CHST11: variants seen among roughly 807,000 people sequenced by gnomAD.
The protein encoded by CHST11 is carbohydrate sulfotransferase 11.
CHST11 carries 9 observed loss-of-function variants against 30.4 expected under a neutral mutation model. That is an observed-to-expected ratio of 0.30 (90% CI 0.18 to 0.52). CHST11 has a LOEUF of 0.52. CHST11 is among the 20% of genes least tolerant of loss of function. The pLI is 0.97. For missense variants in CHST11, 348 were observed against 460.6 expected, an observed-to-expected ratio of 0.76 and a Z score of 2.24; for synonymous variants, 152 against 187.8, an observed-to-expected ratio of 0.81 and a Z score of 1.56.
chr12:104,715,850 C>T (rs998775510), intron 2 of CHST11, among the ~76,000 whole-genome samples: 4 of 152,154 alleles, frequency 2.6e-5, no homozygotes, highest in Non-Finnish European at 4.4e-5. Flanking sequence ...TAAATGAGCT[C>T]GTGTGTGTCG....
At chr12:104,664,219 G>C (rs749025632) in intron 2 of CHST11, among the ~76,000 whole-genome samples, 11 of 152,192 alleles carry the variant, frequency 7.2e-5, no homozygotes, top group Non-Finnish European at 1.5e-4. Flanking sequence ...GAATTTTAGA[G>C]CTGAGGGTGA....
At chr12:104,727,142 T>G (rs1566055850) in intron 2 of CHST11, among the ~76,000 whole-genome samples, 1 of 152,114 alleles carries the variant, frequency 6.6e-6, no homozygotes, top group Non-Finnish European at 1.5e-5. Flanking sequence ...AATGGCAAAT[T>G]ACATTATTAG....
At chr12:104,726,900 G>A (rs1212669309) in intron 2 of CHST11, among the ~76,000 whole-genome samples, 1 of 152,176 alleles carries the variant, frequency 6.6e-6, no homozygotes, top group Non-Finnish European at 1.5e-5. Context: ...AAGGTAGGAT[G>A]TAGGGCAGAT....
At chr12:104,467,654 G>A (rs1322942835) in intron 1 of CHST11, among the ~76,000 whole-genome samples, 16 of 152,178 alleles carry the variant, frequency 1.1e-4, no homozygotes, top group African/African-American at 3.9e-4. Context: ...ATCATTCTCT[G>A]GCTTGAATCG....
chr12:104,703,371 T>G (rs1025770251), intron 2 of CHST11, among the ~76,000 whole-genome samples: 3 of 152,234 alleles, frequency 2.0e-5, no homozygotes, highest in Non-Finnish European at 4.4e-5. Flanking sequence ...AAATGCAACC[T>G]GGTCTTTTCA....
chr12:104,481,522 C>T (rs1199696186), intron 1 of CHST11, among the ~76,000 whole-genome samples: 2 of 152,186 alleles, frequency 1.3e-5, no homozygotes, highest in Non-Finnish European at 2.9e-5. Flanking sequence ...AACCTGGGTG[C>T]AGTCACCTGA....
intron 2 of CHST11, among the ~76,000 whole-genome samples, chr12:104,622,060 G>C (rs1053707124): frequency 2.6e-5 from 4 of 152,198 alleles, no homozygotes; most frequent in Admixed American, 2.6e-4. Flanking sequence ...GGCAACCCCG[G>C]TGACCCCCAC....
chr12:104,704,783 C>T (rs565154973), intron 2 of CHST11, among the ~76,000 whole-genome samples: 30 of 152,062 alleles, frequency 2.0e-4, no homozygotes, highest in Admixed American at 3.9e-4. Flanking sequence ...ATGCCTGGCT[C>T]ATTTGTTCTT....
At chr12:104,697,928 G>C (rs1052279466) in intron 2 of CHST11, among the ~76,000 whole-genome samples, 1 of 152,158 alleles carries the variant, frequency 6.6e-6, no homozygotes, top group African/African-American at 2.4e-5. Context: ...ACCAAGTCTT[G>C]ACTTTCTTAC....
chr12:104,510,668 T>C (rs768319719), intron 1 of CHST11, among the ~76,000 whole-genome samples: 2 of 152,250 alleles, frequency 1.3e-5, no homozygotes. Flanking sequence ...TCATAATCAA[T>C]ACAAGGGAGA....
chr12:104,724,804 G>A (rs1467994607), intron 2 of CHST11, among the ~76,000 whole-genome samples: 1 of 152,118 alleles, frequency 6.6e-6, no homozygotes, highest in African/African-American at 2.4e-5. Flanking sequence ...TTAAATACAA[G>A]AACACCCAGT....
At chr12:104,693,405 C>T (rs2039916264) in intron 2 of CHST11, among the ~76,000 whole-genome samples, 1 of 152,146 alleles carries the variant, frequency 6.6e-6, no homozygotes, top group African/African-American at 2.4e-5. Flanking sequence ...AATTTATCCT[C>T]CAAATTGGGA....
At chr12:104,585,789 T>A (rs969786332) in intron 1 of CHST11, among the ~76,000 whole-genome samples, 18 of 152,212 alleles carry the variant, frequency 1.2e-4, no homozygotes, top group African/African-American at 3.6e-4. Flanking sequence ...CAGGGCCGTG[T>A]TCCCTCTGAA....
At chr12:104,642,637 C>A (rs1037520974) in intron 2 of CHST11, among the ~76,000 whole-genome samples, 1 of 152,000 alleles carries the variant, frequency 6.6e-6, no homozygotes, top group Non-Finnish European at 1.5e-5. Flanking sequence ...TGGGCCCAAG[C>A]GATCCTCCTG....
intron 2 of CHST11, among the ~76,000 whole-genome samples, chr12:104,617,479 A>G (rs2039119772): frequency 6.6e-6 from 1 of 151,996 alleles, no homozygotes; most frequent in African/African-American, 2.4e-5. Flanking sequence ...ATCTCAAACA[A>G]TGCAGTTTTG....
chr12:104,705,326 G>A (rs895074852), intron 2 of CHST11, among the ~76,000 whole-genome samples: 7 of 152,092 alleles, frequency 4.6e-5, no homozygotes, highest in South Asian at 2.1e-4. Flanking sequence ...CAGAGCCTCC[G>A]TTTTATTATC....
intron 1 of CHST11, among the ~76,000 whole-genome samples, chr12:104,583,661 T>A (rs994047870): frequency 2.6e-5 from 4 of 152,192 alleles, no homozygotes; most frequent in African/African-American, 9.7e-5. Flanking sequence ...CATCCTATAT[T>A]CCTAAAATAT....
At chr12:104,756,869 G>T (rs778834471) in intron 2 of CHST11, 80 bp from the exon 3 acceptor site, 21 of 1,496,268 alleles carry the variant, frequency 1.4e-5, no homozygotes, top group Non-Finnish European at 1.9e-5. Context: ...TGAACGGGTG[G>T]ATTTATGATC....
chr12:104,673,246 A>C (rs996857268), intron 2 of CHST11, among the ~76,000 whole-genome samples: 4 of 152,142 alleles, frequency 2.6e-5, no homozygotes. Context: ...TTATCCAGAG[A>C]AGGTCACATT....
Sources: allele counts gnomAD v4.1 joint callset (sites outside exome capture counted in the v4.1 genomes callset), GRCh38; gene constraint gnomAD v4.1.1; transcripts MANE v1.5; gene names NCBI Gene and HGNC (gene_info 2026-07-23, HGNC 2026-07-21).